The following PTPN14 variants were observed in gnomAD, a reference collection of about 807,000 sequenced individuals.
PTPN14 encodes protein tyrosine phosphatase non-receptor type 14, also known as tyrosine-protein phosphatase non-receptor type 14.
PTPN14 carries 53 observed loss-of-function variants against 126.8 expected under a neutral mutation model. The ratio of observed to expected loss-of-function variants is 0.42; its 90% CI spans 0.34 to 0.53. The LOEUF (loss-of-function observed/expected upper bound fraction) is 0.53. Ranked by LOEUF, PTPN14 falls within the 20% of genes least tolerant of loss-of-function variation. The probability of loss-of-function intolerance (pLI) is 0.08; values close to 1 mark genes in which losing one functional copy is unlikely to be tolerated. For synonymous variants in PTPN14, 630 were observed against 599.3 expected (o/e 1.05, Z -0.75); for missense variants, 1,257 against 1,552.9 (o/e 0.81, Z 3.20).
intron 3 of PTPN14, among the ~76,000 whole-genome samples, chr1:214,421,387 G>A (rs1202645340): frequency 6.6e-6 from 1 of 152,178 alleles, no homozygotes; most frequent in Non-Finnish European, 1.5e-5. Flanking sequence ...GTTGCCAGAG[G>A]TTGAGGGAAG....
chr1:214,508,966 C>A (rs1654907008), intron 1 of PTPN14, among the ~76,000 whole-genome samples: 1 of 152,156 alleles, frequency 6.6e-6, no homozygotes, highest in Admixed American at 6.6e-5. Flanking sequence ...ATTCAGTAAA[C>A]CATGCTGAAA....
At chr1:214,550,759 GA>G (rs933678110) in intron 1 of PTPN14, among the ~76,000 whole-genome samples, 28 of 152,132 alleles carry the variant, frequency 1.8e-4, no homozygotes, top group Non-Finnish European at 3.4e-4. Flanking sequence ...GTGTGATTGG[GA>G]GCGTCGGGCA....
chr1:214,550,495 A>G (rs1223329054), intron 1 of PTPN14, among the ~76,000 whole-genome samples: 4 of 152,182 alleles, frequency 2.6e-5, no homozygotes, highest in African/African-American at 9.7e-5. Context: ...AAAAGGTGTA[A>G]ACCCCATTTA....
At position 214,488,047 on chromosome 1, in the gene PTPN14, C is replaced by T. The variant is rs147224425; in HGVS notation, c.-154-23090G>A. ...CACTGTAGCCATTCAGCCCAAAGACCTTACCCTATAACAACAGTGAATGGC... is the reference window on the plus strand; with the variant it reads ...CACTGTAGCCATTCAGCCCAAAGACTTTACCCTATAACAACAGTGAATGGC... On this transcript the variant is annotated intron_variant, in intron 1 of 18. Coordinates refer to ENST00000366956, the MANE Select transcript of PTPN14 (RefSeq NM_005401.5). Among the ~76,000 whole-genome samples, 11 of 152,292 alleles carry T rather than the reference C, an allele frequency of 7.2e-5. No homozygotes were observed. The East Asian group carries it at 2.1e-3, about 29-fold the overall frequency.
At chr1:214,442,416 A>G (rs1660054336) in intron 3 of PTPN14, among the ~76,000 whole-genome samples, 1 of 152,144 alleles carries the variant, frequency 6.6e-6, no homozygotes, top group Non-Finnish European at 1.5e-5. Flanking sequence ...TTTTTGGTAA[A>G]CTTTGTTTTT....
In PTPN14 at chr1:214,355,248, A is replaced by G. The variant is rs1296614329; in HGVS notation, c.*2674T>C. ...AGGGACAGTGGATGAATTTCAGGGAAGCCCATGAGCTCTGACGACCTCAAA... is the reference window on the plus strand; with the variant it reads ...AGGGACAGTGGATGAATTTCAGGGAGGCCCATGAGCTCTGACGACCTCAAA... On this transcript the variant is annotated 3_prime_UTR_variant, in exon 19 of 19. Transcript: ENST00000366956. 6.6e-6 allele frequency: 1 copy of G among 152,236 alleles called. No individual in the cohort carries two copies. Among genetic ancestry groups the G allele is most frequent in the East Asian group, 1.9e-4 (1 of 5,196 alleles). The allele number at this position is 152,236 out of a possible 1,614,324, so 9.4% of individuals were successfully genotyped here. A position where few individuals can be genotyped will look rare whatever the true frequency, so the allele number is the denominator to read the frequency against.
chr1:214,402,437 C>CAAAAAAAAAAAAAAAAAAAAA (rs1165595746), intron 6 of PTPN14, among the ~76,000 whole-genome samples: 19 of 48,142 alleles, frequency 3.9e-4, no homozygotes, highest in African/African-American at 1.1e-3. Flanking sequence ...GAGACTCTGT[C>CAAAAAAAAAAAAAAAAAAAAA]AAAAAAAAAA....
intron 14 of PTPN14, among the ~76,000 whole-genome samples, chr1:214,377,388 A>G (rs73074041): frequency 0.046 from 7,057 of 152,210 alleles, 355 homozygotes; most frequent in African/African-American, 0.13. Context: ...TGGAGGGTGG[A>G]AGGAGGGAGA....
At chr1:214,521,733 A>ACC (rs989727512) in intron 1 of PTPN14, among the ~76,000 whole-genome samples, 1 of 151,940 alleles carries the variant, frequency 6.6e-6, no homozygotes, top group African/African-American at 2.4e-5. Flanking sequence ...ACCCACACAC[A>ACC]CACACACACA....
chr1:214,509,255 A>T (rs6689969), intron 1 of PTPN14, among the ~76,000 whole-genome samples: 1 of 152,216 alleles, frequency 6.6e-6, no homozygotes, highest in African/African-American at 2.4e-5. Flanking sequence ...TTCATCAGTG[A>T]TCTTAGCTAG....
chr1:214,400,178 G>A (rs1430665426), intron 7 of PTPN14, among the ~76,000 whole-genome samples: 3 of 152,162 alleles, frequency 2.0e-5, no homozygotes, highest in African/African-American at 7.2e-5. Context: ...AGAGACTCCA[G>A]TCCTACTCAC....
intron 1 of PTPN14, among the ~76,000 whole-genome samples, chr1:214,474,634 T>C (rs574421592): frequency 2.6e-5 from 4 of 152,302 alleles, no homozygotes; most frequent in African/African-American, 9.6e-5. Context: ...GTAAGTCCCA[T>C]CCATGGTGGT....
Position 214,350,751 on chromosome 1 carries a change from A to C in PTPN14, c.*7171T>G, listed in dbSNP as rs1369683366. 8.4e-5 allele frequency: 9 copies of C among 107,378 alleles called. No homozygotes were observed. Among genetic ancestry groups the C allele is most frequent in the Non-Finnish European group, 1.4e-4 (8 of 56,310 alleles). The allele number at this position is 107,378 out of a possible 1,614,324, so 6.7% of individuals were successfully genotyped here. A position where few individuals can be genotyped will look rare whatever the true frequency, so the allele number is the denominator to read the frequency against. On this transcript the variant is annotated 3_prime_UTR_variant, in exon 19 of 19. Transcript: ENST00000366956. ...TTTTTGTATTTTTAGTAGAGACGGGATTTCACCATGTTGGCCAGGCTGGTC... is the reference window on the plus strand; with the variant it reads ...TTTTTGTATTTTTAGTAGAGACGGGCTTTCACCATGTTGGCCAGGCTGGTC...
chr1:214,515,209 A>C (rs968313063), intron 1 of PTPN14, among the ~76,000 whole-genome samples: 1 of 152,208 alleles, frequency 6.6e-6, no homozygotes, highest in Non-Finnish European at 1.5e-5. Context: ...ACAATGAAAA[A>C]TTTACACATT....
At chr1:214,443,193 T>C (rs1660072923) in intron 3 of PTPN14, among the ~76,000 whole-genome samples, 2 of 152,230 alleles carry the variant, frequency 1.3e-5, no homozygotes, top group Admixed American at 1.3e-4. Flanking sequence ...ACTTCATGTA[T>C]TTGGACAACT....
intron 1 of PTPN14, among the ~76,000 whole-genome samples, chr1:214,515,829 T>A (rs1394307970): frequency 1.3e-5 from 2 of 152,216 alleles, no homozygotes; most frequent in Non-Finnish European, 2.9e-5. Flanking sequence ...CTTACTGAAT[T>A]TTTAATCCCA....
At chr1:214,469,660 ATT>A (rs60660981) in intron 1 of PTPN14, among the ~76,000 whole-genome samples, 4,666 of 149,020 alleles carry the variant, frequency 0.031, 104 homozygotes, top group Middle Eastern at 0.066. Context: ...ATTTACTGTA[ATT>A]TTTTTTTTTA....
chr1:214,489,272 C>T (rs573463613), intron 1 of PTPN14, among the ~76,000 whole-genome samples: 2 of 152,210 alleles, frequency 1.3e-5, no homozygotes, highest in South Asian at 2.1e-4. Context: ...CTGAGGCTTG[C>T]GGAGGTTGAG....
chr1:214,402,294 T>G (rs1659037521), intron 6 of PTPN14, among the ~76,000 whole-genome samples: 2 of 151,364 alleles, frequency 1.3e-5, no homozygotes. Flanking sequence ...AAAAATTAGC[T>G]GGGTGTGGTG....
Sources: gnomAD v4.1 joint callset for allele counts (sites outside exome capture counted in the v4.1 genomes callset) on GRCh38, gnomAD v4.1.1 for gene constraint, MANE v1.5 for transcripts, NCBI Gene and HGNC (gene_info 2026-07-23, HGNC 2026-07-21) for gene names.